HNRNPA3: variants seen among roughly 807,000 people sequenced by gnomAD.
HNRNPA3 encodes the protein epididymis secretory sperm binding protein.
In HNRNPA3, 3 loss-of-function variants were observed where a neutral mutation model predicts 45.8. That is an observed-to-expected ratio of 0.07 (90% CI 0.03 to 0.17). The LOEUF (loss-of-function observed/expected upper bound fraction) is 0.17. HNRNPA3 is among the 10% of genes least tolerant of loss of function. HNRNPA3 has a pLI of 1.00. For missense variants in HNRNPA3, 183 were observed against 480.3 expected, an observed-to-expected ratio of 0.38 and a Z score of 5.79; for synonymous variants, 170 against 155.6, an observed-to-expected ratio of 1.09 and a Z score of -0.69.
intron 1 of HNRNPA3, among the ~76,000 whole-genome samples, chr2:177,214,577 C>A (rs1304212252): frequency 6.6e-6 from 1 of 152,132 alleles, no homozygotes; most frequent in Non-Finnish European, 1.5e-5. Context: ...GGGCGGATCA[C>A]GAGGTCAGGA....
At chr2:177,218,943 T>C (rs1689076426) in intron 8 of HNRNPA3, 94 bp from the exon 9 acceptor site, 2 of 1,472,528 alleles carry the variant, frequency 1.4e-6, no homozygotes, top group Non-Finnish European at 1.9e-6. Context: ...ATAAGCATGC[T>C]ACCATAATTC....
At chr2:177,214,966 C>T (rs1688867586) in intron 1 of HNRNPA3, among the ~76,000 whole-genome samples, 1 of 152,060 alleles carries the variant, frequency 6.6e-6, no homozygotes, top group Admixed American at 6.5e-5. Context: ...AAAAATGAAG[C>T]GATTTTTTGA....
rs376027701 is a variant in HNRNPA3, at chr2:177,215,725, C to G, written c.196-25C>G. ...AGAGAACCGGTGGAGGTGTTTTCAA[C>G]GTTATAAAACTTTTTATTTTGTAGG... is the stretch of plus-strand genomic sequence containing the variant. On this transcript the variant is annotated intron_variant, in intron 2 of 10. Coordinates refer to ENST00000392524, the Ensembl canonical transcript of HNRNPA3. 15 of 1,573,586 alleles carry G rather than the reference C, an allele frequency of 9.5e-6. 1 individual carries two copies. Among genetic ancestry groups the G allele is most frequent in the South Asian group, 2.4e-5 (2 of 84,822 alleles).
downstream of HNRNPA3, chr2:177,221,774 A>G (rs562233941): frequency 1.1e-4 from 17 of 152,834 alleles, no homozygotes; most frequent in African/African-American, 3.8e-4. Context: ...AAGAGCTTCA[A>G]CTACAGAGAA....
chr2:177,215,517 G>A, intron 1 of HNRNPA3, 22 bp from the exon 2 acceptor site: 2 of 1,613,012 alleles, frequency 1.2e-6, no homozygotes, highest in Non-Finnish European at 1.7e-6. Context: ...GGTAACTTAA[G>A]AGTATTGGTT....
rs1364152182 is a variant in HNRNPA3 at position 177,216,200 on chromosome 2, T to G, written c.553+12T>G. The stretch of plus-strand genomic sequence containing the variant: ...TGATAAAATTGTTGGTAAGTAGCAA[T>G]TTATGGTAACTTGAATGAGAAAGTA... On this transcript the variant is annotated intron_variant, in intron 4 of 10. Transcript: ENST00000392524. 1 of 1,509,994 alleles carries G rather than the reference T, an allele frequency of 6.6e-7. No individual in the cohort carries two copies. The highest frequency in any genetic ancestry group is 9.0e-7 in the Non-Finnish European group (1 of 1,106,134). The allele number at this position is 1,509,994 out of a possible 1,614,324, so 93.5% of individuals were successfully genotyped here.
chr2:177,222,855 T>G (rs1689242276), downstream of HNRNPA3: 2 of 152,668 alleles, frequency 1.3e-5, no homozygotes, highest in African/African-American at 4.8e-5. Context: ...GCATTTAAAT[T>G]CAGGGAATTC....
intron 1 of HNRNPA3, 116 bp from the exon 2 acceptor site, chr2:177,215,423 T>TTA (rs1438276037): frequency 9.2e-7 from 1 of 1,084,368 alleles, no homozygotes; most frequent in African/African-American, 1.6e-5. Flanking sequence ...GGACAAAGTG[T>TTA]TAACTGTCAC....
chr2:177,216,198 A>C lies in HNRNPA3; in HGVS notation c.553+10A>C, dbSNP rs769469365. ...GTTGATAAAATTGTTGGTAAGTAGC[A>C]ATTTATGGTAACTTGAATGAGAAAG... is the stretch of plus-strand genomic sequence containing the variant. On this transcript the variant is annotated intron_variant, in intron 4 of 10. Coordinates refer to ENST00000392524, the Ensembl canonical transcript of HNRNPA3. 2 of 1,507,248 alleles carry C rather than the reference A, an allele frequency of 1.3e-6. No individual in the cohort carries two copies. The highest frequency in any genetic ancestry group is 4.5e-5 in the East Asian group (2 of 44,354). The allele number at this position is 1,507,248 out of a possible 1,614,324, so 93.4% of individuals were successfully genotyped here.
downstream of HNRNPA3, chr2:177,223,460 T>C (rs1001958798): frequency 1.3e-5 from 2 of 152,074 alleles, no homozygotes; most frequent in African/African-American, 4.8e-5. Context: ...TTAAACCAAT[T>C]TGTAAGTTAC....
Position 177,216,197 on chromosome 2 carries a change from C to T in HNRNPA3, c.553+9C>T, listed in dbSNP as rs548778384. On this transcript the variant is annotated intron_variant, in intron 4 of 10. Transcript: ENST00000392524. Reference sequence around the variant, plus strand: ...AGTTGATAAAATTGTTGGTAAGTAGCAATTTATGGTAACTTGAATGAGAAA... The same window carrying T: ...AGTTGATAAAATTGTTGGTAAGTAGTAATTTATGGTAACTTGAATGAGAAA... 2.6e-6 allele frequency: 4 copies of T among 1,515,060 alleles called. No homozygotes were observed. Among genetic ancestry groups the T allele is most frequent in the Admixed American group, 1.7e-5 (1 of 57,440 alleles). 93.9% of individuals were successfully genotyped at this position (1,515,060 alleles called of 1,614,324 possible).
chr2:177,218,052 C>CTTTTTTTTT lies in HNRNPA3; in HGVS notation c.961+226_961+234dup, dbSNP rs58476089. Among the ~76,000 whole-genome samples, 118 of 102,166 alleles carry CTTTTTTTTT rather than the reference C, an allele frequency of 1.2e-3. 7 individuals are homozygous for CTTTTTTTTT. The highest frequency in any genetic ancestry group is 6.0e-3 in the Middle Eastern group (1 of 168). 67.0% of individuals were successfully genotyped at this position (102,166 alleles called of 152,430 possible). The stretch of plus-strand genomic sequence containing the variant: ...ACAAATGTACTCAGCTCTCTTTTTT[C>CTTTTTTTTT]TTTTTTTTTTTTTTTTTTTTTTTTT... On this transcript the variant is annotated intron_variant, in intron 8 of 10. Transcript: ENST00000392524.
exon 2 of HNRNPA3, chr2:177,215,603 C>T: frequency 6.2e-7 from 1 of 1,613,764 alleles, no homozygotes; most frequent in Non-Finnish European, 8.5e-7. Context: ...AGCTTTGAAA[C>T]TACAGATGAT....
downstream of HNRNPA3, chr2:177,221,024 T>C (rs185772924): frequency 2.0e-5 from 3 of 152,710 alleles, no homozygotes; most frequent in East Asian, 1.9e-4. Flanking sequence ...TATGCTCTCT[T>C]GTTGCTCTAA....
chr2:177,217,081 C>T, intron 7 of HNRNPA3, 141 bp downstream of exon 7: 2 of 901,990 alleles, frequency 2.2e-6, no homozygotes, highest in Non-Finnish European at 3.2e-6. Flanking sequence ...CATGGAAGAA[C>T]AGGAACCCTT....
At chr2:177,219,360 A>G (rs1452932409) in intron 10 of HNRNPA3, 46 bp downstream of exon 10, 24 of 1,369,082 alleles carry the variant, frequency 1.8e-5, no homozygotes, top group Non-Finnish European at 2.4e-5. Context: ...GAATATGTGG[A>G]ACTGTTCACT....
At chr2:177,213,784 T>C (rs1688797778) in intron 1 of HNRNPA3, among the ~76,000 whole-genome samples, 3 of 152,368 alleles carry the variant, frequency 2.0e-5, no homozygotes, top group South Asian at 4.1e-4. Context: ...TTCCCATTCT[T>C]TGAGTCGGCT....
chr2:177,219,529 C>T (rs561090592), exon 11 of HNRNPA3: 3 of 450,586 alleles, frequency 6.7e-6, no homozygotes, highest in East Asian at 3.5e-5. Context: ...GAACGATGAT[C>T]CATAGTCAGA....
exon 9 of HNRNPA3, chr2:177,219,152 C>T (rs771539928): frequency 6.2e-7 from 1 of 1,613,806 alleles, no homozygotes. Context: ...CGGGCAGTCC[C>T]TATGGTGGTA....
Sources: gnomAD v4.1 joint callset for allele counts (sites outside exome capture counted in the v4.1 genomes callset) on GRCh38, gnomAD v4.1.1 for gene constraint, MANE v1.5 for transcripts, NCBI Gene and HGNC (gene_info 2026-07-23, HGNC 2026-07-21) for gene names.